The following LARP4B variants were observed in gnomAD, a reference collection of about 807,000 sequenced individuals.
The protein encoded by LARP4B is la-related protein 4B.
Under a neutral mutation model 89.8 loss-of-function variants are expected in LARP4B, and 12 were observed. The ratio of observed to expected loss-of-function variants is 0.13; its 90% CI spans 0.09 to 0.22. The LOEUF is 0.22. Ranked by LOEUF, LARP4B falls within the 10% of genes least tolerant of loss-of-function variation. The pLI is 1.00. For missense variants in LARP4B, 757 were observed against 947.7 expected, an observed-to-expected ratio of 0.80 and a Z score of 2.64; for synonymous variants, 367 against 363.3, an observed-to-expected ratio of 1.01 and a Z score of -0.12.
intron 1 of LARP4B, among the ~76,000 whole-genome samples, chr10:887,999 C>T (rs1160465111): frequency 6.6e-6 from 1 of 151,402 alleles, no homozygotes; most frequent in Non-Finnish European, 1.5e-5. Flanking sequence ...ACTCCCACCT[C>T]GGCGACAGAG....
At chr10:838,772 A>C (rs1174297541) in intron 7 of LARP4B, among the ~76,000 whole-genome samples, 2 of 152,224 alleles carry the variant, frequency 1.3e-5, no homozygotes, top group Non-Finnish European at 2.9e-5. Context: ...TATTTATCCA[A>C]AGGAGCTAAA....
intron 5 of LARP4B, 59 bp downstream of exon 5, chr10:863,684 A>G: frequency 6.6e-7 from 1 of 1,507,726 alleles, no homozygotes; most frequent in Non-Finnish European, 8.9e-7. Context: ...CTCTAAATAA[A>G]AAAAATAAAT....
Position 878,673 on chromosome 10 carries a change from C to T in LARP4B, c.141+5774G>A, listed in dbSNP as rs114145645. On this transcript the variant is annotated intron_variant, in intron 3 of 17. Coordinates refer to ENST00000316157, the MANE Select transcript of LARP4B (RefSeq NM_015155.3). The stretch of plus-strand genomic sequence containing the variant: ...TATTTCCACACACATGTAAGGACAC[C>T]GGGGCCTAGGAAGGCAGCCAGTTGC... Among the ~76,000 whole-genome samples, 267 of 152,272 alleles carry T rather than the reference C, an allele frequency of 1.8e-3. 2 individuals carry two copies. The highest frequency in any genetic ancestry group is 6.0e-3 in the African/African-American group (248 of 41,548).
At chr10:888,000 G>A (rs1385559880) in intron 1 of LARP4B, among the ~76,000 whole-genome samples, 1 of 151,526 alleles carries the variant, frequency 6.6e-6, no homozygotes, top group Non-Finnish European at 1.5e-5. Flanking sequence ...CTCCCACCTC[G>A]GCGACAGAGC....
At chr10:898,651 A>G (rs762713713) in intron 1 of LARP4B, among the ~76,000 whole-genome samples, 22 of 152,268 alleles carry the variant, frequency 1.4e-4, no homozygotes, top group Non-Finnish European at 3.2e-4. Context: ...CTTTTCTGGT[A>G]CGAAAGGGTA....
In LARP4B at chr10:867,493, TCTGAATCTC is replaced by T. The variant is rs1257789500; in HGVS notation, c.142-3232_142-3224del. Among the ~76,000 whole-genome samples the T allele has an allele frequency of 2.6e-5, 4 of 152,360 alleles. No individual in the cohort carries two copies. In the East Asian group the frequency reaches 7.7e-4, roughly 29 times the overall value. ...AGAAATAGTTTGTATTAAACAAAGA[TCTGAATCTC>T]CTACTATTTCTATAAAATATGGTTA... On this transcript the variant is annotated intron_variant, in intron 3 of 17. Transcript: ENST00000316157.
chr10:945,360 G>C, the LARP4B span, among the ~76,000 whole-genome samples: 1 of 149,344 alleles, frequency 6.7e-6, no homozygotes, highest in East Asian at 2.0e-4. Context: ...CTCCAGCCTG[G>C]GTGACAGAGT....
chr10:808,756 C>CAT (rs199929931), downstream of LARP4B: 37,027 of 150,064 alleles, frequency 0.25, 5,064 homozygotes, highest in South Asian at 0.43. Context: ...TGCACGCACA[C>CAT]ACACACACAC....
chr10:937,474 G>C, the LARP4B span, among the ~76,000 whole-genome samples: 1 of 152,104 alleles, frequency 6.6e-6, no homozygotes, highest in Non-Finnish European at 1.5e-5. Context: ...CTTATTAATT[G>C]CTTGTTGCTT....
At chr10:872,913 C>G in intron 3 of LARP4B, 1 of 399,244 alleles carries the variant, frequency 2.5e-6, no homozygotes, top group Non-Finnish European at 3.4e-6. Context: ...GGTCTATGAC[C>G]CTGTTTGTGC....
At chr10:829,650 TAAAC>T (rs763337556) in intron 10 of LARP4B, 27 bp downstream of exon 10, 3 of 1,610,754 alleles carry the variant, frequency 1.9e-6, no homozygotes, top group East Asian at 4.5e-5. Flanking sequence ...AATTTGCAAA[TAAAC>T]AAAGTATAAC....
At chr10:929,180 C>T (rs966484641) in intron 1 of LARP4B, among the ~76,000 whole-genome samples, 4 of 152,050 alleles carry the variant, frequency 2.6e-5, no homozygotes, top group African/African-American at 9.7e-5. Context: ...ATTCTGTGCT[C>T]AGAAGCTGTT....
At chr10:887,090 T>TCACA (rs35099061) in intron 1 of LARP4B, among the ~76,000 whole-genome samples, 4 of 148,772 alleles carry the variant, frequency 2.7e-5, no homozygotes, top group East Asian at 4.0e-4. Flanking sequence ...TCCACCTCAC[T>TCACA]CACACACACA....
At chr10:951,759 T>C in the LARP4B span, among the ~76,000 whole-genome samples, 1 of 151,684 alleles carries the variant, frequency 6.6e-6, no homozygotes, top group African/African-American at 2.4e-5. Context: ...CAGCCCAGAA[T>C]CAACTGCATA....
chr10:912,601 T>C (rs1337588831), intron 1 of LARP4B, among the ~76,000 whole-genome samples: 2 of 151,484 alleles, frequency 1.3e-5, no homozygotes, highest in African/African-American at 2.4e-5. Flanking sequence ...GCCGAGCGCA[T>C]TGGCTCACAC....
At chr10:959,441 A>C in the LARP4B span, among the ~76,000 whole-genome samples, 2 of 29,490 alleles carry the variant, frequency 6.8e-5, no homozygotes, top group Non-Finnish European at 1.3e-4. Flanking sequence ...CCACCTCCCC[A>C]TCAATCCACC....
At chr10:975,713 C>T in the LARP4B span, among the ~76,000 whole-genome samples, 2 of 150,756 alleles carry the variant, frequency 1.3e-5, no homozygotes, top group Non-Finnish European at 3.0e-5. Context: ...GCGTAATGTG[C>T]AGCCCGGCCT....
intron 3 of LARP4B, among the ~76,000 whole-genome samples, chr10:876,329 G>A (rs1236513135): frequency 1.3e-5 from 2 of 152,038 alleles, no homozygotes; most frequent in Non-Finnish European, 1.5e-5. Flanking sequence ...AGGCTGCAGT[G>A]AGCAGATATC....
upstream of LARP4B, among the ~76,000 whole-genome samples, chr10:931,859 A>C (rs1190336333): frequency 6.7e-6 from 1 of 150,226 alleles, no homozygotes; most frequent in Non-Finnish European, 1.5e-5. Flanking sequence ...GGCGCACCCG[A>C]CGCTCGGCCC....
Sources: gnomAD v4.1 joint callset for allele counts (sites outside exome capture counted in the v4.1 genomes callset) on GRCh38, gnomAD v4.1.1 for gene constraint, MANE v1.5 for transcripts, NCBI Gene and HGNC (gene_info 2026-07-23, HGNC 2026-07-21) for gene names.